CSGALNACT1: variants seen among roughly 807,000 people sequenced by gnomAD.
The protein encoded by CSGALNACT1 is chondroitin sulfate N-acetylgalactosaminyltransferase 1.
CSGALNACT1 carries 52 observed loss-of-function variants against 51.0 expected under a neutral mutation model. The observed-to-expected ratio is 1.02, with a 90% CI of 0.82 to 1.29. The LOEUF (loss-of-function observed/expected upper bound fraction) is 1.29, where lower values mean the gene tolerates loss of function less well. Ranked by LOEUF, CSGALNACT1 falls within the 50% of genes most tolerant of loss-of-function variation. The probability of loss-of-function intolerance (pLI) is 0.00; values close to 1 mark genes in which losing one functional copy is unlikely to be tolerated. For missense variants in CSGALNACT1, 935 were observed against 679.2 expected (o/e 1.38, Z -4.19); for synonymous variants, 341 against 254.4 (o/e 1.34, Z -3.24).
chr8:19,644,447 C>G (rs1240541469), intron 1 of CSGALNACT1, among the ~76,000 whole-genome samples: 2 of 149,886 alleles, frequency 1.3e-5, no homozygotes, highest in Admixed American at 1.3e-4. Flanking sequence ...CAGTGGCTCA[C>G]GCCTGTAATC....
At chr8:19,638,906 T>G (rs1206939847) in intron 1 of CSGALNACT1, among the ~76,000 whole-genome samples, 1 of 152,082 alleles carries the variant, frequency 6.6e-6, no homozygotes, top group East Asian at 1.9e-4. Flanking sequence ...AAGTTACAAC[T>G]TCCAAGGTCA....
intron 1 of CSGALNACT1, among the ~76,000 whole-genome samples, chr8:19,732,930 T>C (rs994568225): frequency 2.0e-5 from 3 of 152,238 alleles, no homozygotes; most frequent in African/African-American, 7.2e-5. Flanking sequence ...GTAGAACATG[T>C]CAATGTCTCA....
chr8:19,716,612 CAAAAAAAA>C lies in CSGALNACT1; in HGVS notation c.-297+41230_-297+41237del, dbSNP rs60464594. 1.6e-3 allele frequency among the ~76,000 whole-genome samples: 69 copies of C among 41,992 alleles called. 1 individual carries two copies. Among genetic ancestry groups the C allele is most frequent in the Middle Eastern group, 0.033 (1 of 30 alleles). 27.5% of individuals were successfully genotyped at this position (41,992 alleles called of 152,430 possible). A position where few individuals can be genotyped will look rare whatever the true frequency, so the allele number is the denominator to read the frequency against. ...GGCCAACATGGTAAAACCCTCTCTA[CAAAAAAAA>C]AAAAAAAAAAAAAAAAAAAAAATTA... On this transcript the variant is annotated intron_variant, in intron 1 of 1. Transcript: ENST00000517494.
intron 1 of CSGALNACT1, among the ~76,000 whole-genome samples, chr8:19,658,130 G>A (rs1226907334): frequency 6.6e-6 from 1 of 150,822 alleles, no homozygotes; most frequent in African/African-American, 2.4e-5. Flanking sequence ...TTTGGAGATG[G>A]GGCCTTTGGA....
At chr8:19,706,791 A>AT (rs2062195191) in intron 1 of CSGALNACT1, among the ~76,000 whole-genome samples, 1 of 151,968 alleles carries the variant, frequency 6.6e-6, no homozygotes, top group African/African-American at 2.4e-5. Context: ...GCCTGGCTAC[A>AT]TTTTTTTAAA....
intron 1 of CSGALNACT1, among the ~76,000 whole-genome samples, chr8:19,632,525 G>A (rs531042623): frequency 2.0e-5 from 3 of 151,992 alleles, no homozygotes; most frequent in African/African-American, 7.3e-5. Flanking sequence ...ACCTTTCCTC[G>A]GTTTTTAATT....
At chr8:19,725,831 G>T (rs1021005687) in intron 1 of CSGALNACT1, among the ~76,000 whole-genome samples, 1 of 151,792 alleles carries the variant, frequency 6.6e-6, no homozygotes. Flanking sequence ...CACATACACA[G>T]CCTCCCCCAT....
chr8:19,677,252 G>A (rs1411131718), intron 1 of CSGALNACT1, among the ~76,000 whole-genome samples: 2 of 152,096 alleles, frequency 1.3e-5, no homozygotes, highest in East Asian at 3.9e-4. Flanking sequence ...GGGACCACAG[G>A]CATGCACCAC....
intron 6 of CSGALNACT1, among the ~76,000 whole-genome samples, chr8:19,422,257 A>G (rs2058063487): frequency 6.6e-6 from 1 of 152,148 alleles, no homozygotes; most frequent in Non-Finnish European, 1.5e-5. Context: ...TGGCATGATC[A>G]TAGCTCACTA....
intron 4 of CSGALNACT1, among the ~76,000 whole-genome samples, chr8:19,473,066 A>T (rs2068577877): frequency 6.6e-6 from 1 of 152,180 alleles, no homozygotes. Context: ...CATAGCAAGT[A>T]CTTCACTTGC....
At chr8:19,601,899 T>C (rs34453606) in intron 1 of CSGALNACT1, 34 bp from the exon 2 acceptor site, 53,766 of 453,686 alleles carry the variant, frequency 0.12, 3,733 homozygotes, top group African/African-American at 0.24. Flanking sequence ...GCAACCCTTG[T>C]AAATTTCCAT....
intron 1 of CSGALNACT1, among the ~76,000 whole-genome samples, chr8:19,656,276 CAG>C (rs1156325618): frequency 6.6e-6 from 1 of 152,134 alleles, no homozygotes; most frequent in Non-Finnish European, 1.5e-5. Context: ...TGTGAGCAAA[CAG>C]AGGGAAAAAG....
intron 3 of CSGALNACT1, among the ~76,000 whole-genome samples, chr8:19,585,743 A>C (rs1346519274): frequency 6.6e-6 from 1 of 152,188 alleles, no homozygotes; most frequent in Non-Finnish European, 1.5e-5. Flanking sequence ...ACCCATACAA[A>C]GAACGTTTCT....
chr8:19,439,775 G>C (rs1165645856), intron 6 of CSGALNACT1, 55 bp downstream of exon 5: 2 of 1,335,354 alleles, frequency 1.5e-6, no homozygotes, highest in South Asian at 1.2e-5. Flanking sequence ...CCTTGGATGT[G>C]TGCTTCTGAG....
intron 3 of CSGALNACT1, among the ~76,000 whole-genome samples, chr8:19,524,012 G>C (rs1228725411): frequency 1.3e-5 from 2 of 152,138 alleles, no homozygotes; most frequent in Admixed American, 1.3e-4. Context: ...TATGCAGCAG[G>C]GCCAGGCACA....
intron 1 of CSGALNACT1, among the ~76,000 whole-genome samples, chr8:19,613,119 C>T (rs1276861245): frequency 6.6e-6 from 1 of 152,050 alleles, no homozygotes; most frequent in Non-Finnish European, 1.5e-5. Context: ...TTTCACAATA[C>T]ATTGGTGAGA....
In CSGALNACT1 at chr8:19,500,944, C is replaced by A. The variant is rs533155969; in HGVS notation, c.634+4257G>T. Among the ~76,000 whole-genome samples the A allele has an allele frequency of 2.0e-5, 3 of 152,206 alleles. No homozygotes were observed. The South Asian group carries it at 6.2e-4, about 32-fold the overall frequency. On this transcript the variant is annotated intron_variant, in intron 4 of 9. Coordinates refer to ENST00000454498, the Ensembl canonical transcript of CSGALNACT1. ...AGAGGAGAGGAATGCAGTGTCCTCC[C>A]AGGATAAAAGGCATAAGGGCAGAGG... is the stretch of plus-strand genomic sequence containing the variant.
chr8:19,566,565 T>C (rs1342558597), intron 3 of CSGALNACT1, among the ~76,000 whole-genome samples: 1 of 152,182 alleles, frequency 6.6e-6, no homozygotes, highest in Non-Finnish European at 1.5e-5. Flanking sequence ...AAATATTAGT[T>C]ACCAAAAAAG....
intron 6 of CSGALNACT1, among the ~76,000 whole-genome samples, chr8:19,423,550 G>C (rs888574333): frequency 1.3e-5 from 2 of 152,162 alleles, no homozygotes; most frequent in African/African-American, 4.8e-5. Context: ...CTGCAACAGA[G>C]GATTGGGTAC....
Sources: allele counts gnomAD v4.1 joint callset (sites outside exome capture counted in the v4.1 genomes callset), GRCh38; gene constraint gnomAD v4.1.1; transcripts MANE v1.5; gene names NCBI Gene and HGNC (gene_info 2026-07-23, HGNC 2026-07-21).